HBS1L: variants seen among roughly 807,000 people sequenced by gnomAD.
HBS1L encodes HBS1 like translational GTPase.
HBS1L carries 55 observed loss-of-function variants against 88.9 expected under a neutral mutation model. That is an observed-to-expected ratio of 0.62 (90% CI 0.50 to 0.77). The LOEUF (loss-of-function observed/expected upper bound fraction) is 0.77, where lower values mean the gene tolerates loss of function less well. Among genes scored for constraint, HBS1L ranks in the 30% least tolerant of loss-of-function variants. The probability of loss-of-function intolerance (pLI) is 0.00; values close to 1 mark genes in which losing one functional copy is unlikely to be tolerated. For synonymous variants in HBS1L, 267 were observed against 288.5 expected (o/e 0.93, Z 0.76); for missense variants, 741 against 829.3 (o/e 0.89, Z 1.31).
Position 135,002,816 on chromosome 6 carries a change from G to A in HBS1L, c.457C>T (p.Arg153Ter), listed in dbSNP as rs868729434. The change falls in exon 5 of 18, where the codon CGA becomes TGA. Residue 153 changes from arginine (R) to a stop codon, truncating the protein, a stop_gained. Coordinates refer to ENST00000367837, the MANE Select transcript of HBS1L (RefSeq NM_006620.4). LOFTEE classifies it high-confidence loss of function. Reference sequence around the variant, plus strand: ...TTTGGCACAATTTCAGATTCACTTCGCGATGTCTGGGAATCTACTGGTTTT... The same window carrying A: ...TTTGGCACAATTTCAGATTCACTTCACGATGTCTGGGAATCTACTGGTTTT... The part of the protein sequence containing the change: ...KGKPVDSQTS[R>*]SESEIVPKVA... 1.8e-5 allele frequency: 29 copies of A among 1,612,520 alleles called. No homozygotes were observed. The highest frequency in any genetic ancestry group is 3.3e-5 in the Admixed American group (2 of 59,956).
chr6:135,009,890 A>C (rs1775726640), intron 4 of HBS1L, among the ~76,000 whole-genome samples: 1 of 151,476 alleles, frequency 6.6e-6, no homozygotes, highest in Non-Finnish European at 1.5e-5. Flanking sequence ...TCGGCCTCCC[A>C]ACGTGCTGGG....
chr6:135,001,323 C>T (rs926201981), intron 5 of HBS1L, among the ~76,000 whole-genome samples: 1 of 152,088 alleles, frequency 6.6e-6, no homozygotes, highest in African/African-American at 2.4e-5. Flanking sequence ...CATTTATTAC[C>T]CATTATCTTT....
intron 4 of HBS1L, among the ~76,000 whole-genome samples, chr6:135,030,398 G>A (rs189262666): frequency 1.3e-5 from 2 of 152,230 alleles, no homozygotes; most frequent in Admixed American, 1.3e-4. Flanking sequence ...TTAGCCAGGA[G>A]GGAAGGGGGA....
rs765554240 is a variant in HBS1L at position 135,039,739 on chromosome 6, C to G, written c.264G>C (p.Met88Ile). ...QARLYSCLDH[M>I]REVLGDAVPD... ...GCACAGCATCTCCAAGTACCTCTCTCATGTGATCAAGGCATGAATAAAGAC... is the reference window on the plus strand; with the variant it reads ...GCACAGCATCTCCAAGTACCTCTCTGATGTGATCAAGGCATGAATAAAGAC... The change falls in exon 4 of 18, where the codon ATG becomes ATC. Residue 88 changes from methionine (M) to isoleucine (I), a missense_variant. Physicochemically the swap from Met to Ile is conservative, Grantham distance 10. Around this residue, in one of 3 missense-constraint regions of HBS1L, gnomAD observed 556 missense variants for 598.4 expected, o/e 0.93. Coordinates refer to ENST00000367837, the MANE Select transcript of HBS1L (RefSeq NM_006620.4). 3.1e-6 allele frequency: 5 copies of G among 1,613,726 alleles called. No individual in the cohort carries two copies. Among genetic ancestry groups the G allele is most frequent in the Non-Finnish European group, 4.2e-6 (5 of 1,179,966 alleles).
intron 16 of HBS1L, among the ~76,000 whole-genome samples, chr6:134,967,312 G>A (rs564728941): frequency 1.8e-4 from 27 of 152,228 alleles, no homozygotes; most frequent in African/African-American, 5.8e-4. Context: ...AGGGGCAGAC[G>A]ACTAAAAGAA....
At chr6:135,010,448 G>A (rs147455667) in intron 4 of HBS1L, among the ~76,000 whole-genome samples, 110 of 152,204 alleles carry the variant, frequency 7.2e-4, no homozygotes, top group African/African-American at 2.6e-3. Context: ...AATGGCTGAA[G>A]TTTGTTATCA....
At chr6:135,036,644 C>CA (rs780829623) in intron 4 of HBS1L, 2 of 1,550,722 alleles carry the variant, frequency 1.3e-6, no homozygotes, top group Non-Finnish European at 8.7e-7. Context: ...GTTATTGCTA[C>CA]AAGTGGACTT....
chr6:135,041,138 C>A (rs1182986233), intron 3 of HBS1L, among the ~76,000 whole-genome samples: 1 of 113,886 alleles, frequency 8.8e-6, no homozygotes, highest in Non-Finnish European at 1.9e-5. Context: ...ACTGGCAATA[C>A]CCTTTCTTTA....
chr6:135,040,151 A>T (rs1215570950), intron 3 of HBS1L, among the ~76,000 whole-genome samples: 3 of 152,160 alleles, frequency 2.0e-5, no homozygotes, highest in Non-Finnish European at 4.4e-5. Flanking sequence ...TTTGTTAGTG[A>T]ATCCAGTTAT....
chr6:135,044,012 G>A (rs766231555), intron 2 of HBS1L, among the ~76,000 whole-genome samples: 2 of 151,942 alleles, frequency 1.3e-5, no homozygotes, highest in Admixed American at 6.6e-5. Context: ...GTAATGCCAC[G>A]TAGCTCCACA....
intron 16 of HBS1L, 129 bp downstream of exon 16, chr6:134,969,108 GA>G: frequency 1.6e-6 from 1 of 644,460 alleles, no homozygotes; most frequent in Non-Finnish European, 2.8e-6. Context: ...TCTAGCCCTT[GA>G]AAAAATAATT....
chr6:134,991,473 T>C (rs1160209084), intron 8 of HBS1L, among the ~76,000 whole-genome samples: 4 of 152,196 alleles, frequency 2.6e-5, no homozygotes, highest in Non-Finnish European at 4.4e-5. Flanking sequence ...TCCATGCACA[T>C]GGAGGAATGA....
chr6:134,969,188 A>C, intron 16 of HBS1L, 50 bp downstream of exon 16: 1 of 1,211,066 alleles, frequency 8.3e-7, no homozygotes, highest in Non-Finnish European at 1.2e-6. Context: ...TTAATCTTTA[A>C]AAAATTGGCT....
In HBS1L at chr6:135,019,886, A is replaced by C. The variant is rs144414382; in HGVS notation, c.431-17044T>G. ...TTAAAGCAATTAATAAAGGAAAAGG[A>C]AATTAATATTGTTTAGGGACTGCTA... On this transcript the variant is annotated intron_variant, in intron 4 of 17. Coordinates refer to ENST00000367837, the MANE Select transcript of HBS1L (RefSeq NM_006620.4). Among the ~76,000 whole-genome samples the C allele has an allele frequency of 6.7e-3, 1,026 of 152,036 alleles. 11 individuals are homozygous for C. Among genetic ancestry groups the C allele is most frequent in the African/African-American group, 0.021 (853 of 41,552 alleles).
chr6:135,054,760 G>C lies in HBS1L; in HGVS notation c.-69C>G. The C allele has an allele frequency of 6.3e-7, 1 of 1,578,894 alleles. No homozygotes were observed. Among genetic ancestry groups the C allele is most frequent in the Non-Finnish European group, 8.7e-7 (1 of 1,152,474 alleles). On this transcript the variant is annotated 5_prime_UTR_variant, in exon 1 of 18. Transcript: ENST00000367837. ...AAACACTCCGCTTAGATACTGATAA[G>C]GCGCCAACTGCAGCCTGGAGAACCC...
At chr6:134,982,204 C>G in intron 13 of HBS1L, 1 of 381,876 alleles carries the variant, frequency 2.6e-6, no homozygotes, top group South Asian at 3.8e-5. Flanking sequence ...AACCAGGCTT[C>G]TCAGATCTGT....
In HBS1L at chr6:134,997,653, T is replaced by C. The variant is rs148760445; in HGVS notation, c.543A>G (p.Val181=). The change falls in exon 6 of 18, where the codon GTA becomes GTG. Residue 181 remains valine, a synonymous_variant. Transcript: ENST00000367837. ...KQTMGFEVPG[V]SSEENGHSFH... The stretch of plus-strand genomic sequence containing the variant: ...AACTATGACCATTTTCTTCAGAAGA[T>C]ACTCTACAGAAGGCAGATAGGAAAA... 1.3e-3 allele frequency: 2,053 copies of C among 1,613,782 alleles called. 26 individuals are homozygous for C. The South Asian group carries it at 0.016, about 12-fold the overall frequency.
chr6:135,037,856 T>C, intron 4 of HBS1L: 4 of 1,547,158 alleles, frequency 2.6e-6, no homozygotes, highest in Non-Finnish European at 3.5e-6. Flanking sequence ...AGTTTCTTTT[T>C]TCTATGGAGT....
intron 4 of HBS1L, among the ~76,000 whole-genome samples, chr6:135,014,851 C>CAAAA (rs57153800): frequency 4.1e-4 from 35 of 85,258 alleles, no homozygotes; most frequent in African/African-American, 6.4e-4. Flanking sequence ...ACTGTCTCTA[C>CAAAA]AAAAAAAAAA....
Sources: gnomAD v4.1 joint callset for allele counts (sites outside exome capture counted in the v4.1 genomes callset) on GRCh38, gnomAD v4.1.1 for gene constraint, gnomAD v4.1.1 regional missense constraint, MANE v1.5 for transcripts, NCBI Gene and HGNC (gene_info 2026-07-23, HGNC 2026-07-21) for gene names.